AKAP13: variants seen among roughly 807,000 people sequenced by gnomAD.
AKAP13 encodes A-kinase anchor protein 13.
AKAP13 carries 80 observed loss-of-function variants against 264.5 expected under a neutral mutation model. That is an observed-to-expected ratio of 0.30 (90% CI 0.25 to 0.36). The LOEUF is 0.36. Ranked by LOEUF, AKAP13 falls within the 10% of genes least tolerant of loss-of-function variation. The pLI, the probability that AKAP13 is intolerant of heterozygous loss-of-function variation, is 1.00. For missense variants in AKAP13, 3,712 were observed against 3,435.2 expected (o/e 1.08, Z -2.01); for synonymous variants, 1,380 against 1,250.2 (o/e 1.10, Z -2.19).
chr15:85,579,033 C>T lies in AKAP13; in HGVS notation c.965C>T (p.Pro322Leu), dbSNP rs140842808. ...GATGGCCAGTTTCTTCCCTGTGCACCGGAGCCCACGGACCCTCAGCGACTT... is the reference window on the plus strand; with the variant it reads ...GATGGCCAGTTTCTTCCCTGTGCACTGGAGCCCACGGACCCTCAGCGACTT... ...ETDGQFLPCA[P>L]EPTDPQRLSS... The change falls in exon 7 of 37, where the codon CCG becomes CTG. Residue 322 changes from proline to leucine, a missense_variant. Physicochemically the swap from Pro to Leu is moderately conservative, Grantham distance 98. Around this residue, in one of 3 missense-constraint regions of AKAP13, gnomAD observed 2,759 missense variants for 2,411.7 expected, o/e 1.14. Transcript: ENST00000394518. The T allele has an allele frequency of 2.4e-5, 38 of 1,614,000 alleles. No homozygotes were observed. Among genetic ancestry groups the T allele is most frequent in the Middle Eastern group, 1.6e-4 (1 of 6,084 alleles).
chr15:85,408,446 C>T (rs932683475), intron 1 of AKAP13, among the ~76,000 whole-genome samples: 3 of 151,666 alleles, frequency 2.0e-5, no homozygotes, highest in Admixed American at 6.5e-5. Flanking sequence ...TGTTGCGGAA[C>T]GGAAATTTTG....
chr15:85,382,664 T>G (rs1401562818), intron 1 of AKAP13, among the ~76,000 whole-genome samples: 2 of 152,208 alleles, frequency 1.3e-5, no homozygotes, highest in African/African-American at 4.8e-5. Flanking sequence ...CTCACACTTC[T>G]TTTGCCTTGA....
intron 3 of AKAP13, among the ~76,000 whole-genome samples, chr15:85,529,385 C>T (rs970527174): frequency 2.0e-5 from 3 of 152,128 alleles, no homozygotes; most frequent in Admixed American, 2.0e-4. Context: ...CGTGCCACTG[C>T]ACTCCAGCCT....
intron 1 of AKAP13, among the ~76,000 whole-genome samples, chr15:85,465,122 T>TG (rs2074677749): frequency 6.7e-6 from 1 of 148,996 alleles, no homozygotes; most frequent in Non-Finnish European, 1.5e-5. Flanking sequence ...TTTTTTTTTT[T>TG]GTATTTTTTT....
intron 2 of AKAP13, among the ~76,000 whole-genome samples, chr15:85,511,948 T>G (rs542249202): frequency 1.3e-5 from 2 of 152,308 alleles, no homozygotes; most frequent in Admixed American, 6.5e-5. Context: ...TTTTCCTTCT[T>G]AGGACGTGAC....
chr15:85,684,634 C>A lies in AKAP13; in HGVS notation c.5157-107C>A, dbSNP rs940599998. ...AACAGAACCTGGGCGTTGTGGCATA[C>A]TCTATAAAAAGCCATTCAGCAGCCT... On this transcript the variant is annotated intron_variant, in intron 15 of 36. Coordinates refer to ENST00000394518, the MANE Select transcript of AKAP13 (RefSeq NM_007200.5). 16 of 1,201,190 alleles carry A rather than the reference C, an allele frequency of 1.3e-5. No homozygotes were observed. The African/African-American group carries it at 2.3e-4, about 17-fold the overall frequency. 74.4% of individuals were successfully genotyped at this position (1,201,190 alleles called of 1,614,324 possible).
At chr15:85,666,542 T>TTTTA (rs1055284886) in intron 13 of AKAP13, among the ~76,000 whole-genome samples, 1 of 152,128 alleles carries the variant, frequency 6.6e-6, no homozygotes, top group South Asian at 2.1e-4. Context: ...CTTTTTAAAA[T>TTTTA]TTTATTTATT....
rs1368427858 is a variant in AKAP13 at position 85,580,012 on chromosome 15, A to T, written c.1944A>T (p.Lys648Asn). ...CTCATGCTCAAAGCCAAAAGGGCAA[A>T]TCCTCACCCATTTGTTCTACAACTG... Reference protein sequence around the residue: ...NSSHAQSQKGKSSPICSTTGD... With the variant: ...NSSHAQSQKGNSSPICSTTGD... The change falls in exon 7 of 37, where the codon AAA (lysine) becomes AAT (asparagine). Residue 648 changes from lysine (K) to asparagine (N), a missense_variant. Transcript: ENST00000394518. 1.2e-6 allele frequency: 2 copies of T among 1,614,216 alleles called. No homozygotes were observed. Among genetic ancestry groups the T allele is most frequent in the Non-Finnish European group, 1.7e-6 (2 of 1,180,014 alleles).
chr15:85,579,697 G>A lies in AKAP13; in HGVS notation c.1629G>A (p.Leu543=). 2 of 1,614,198 alleles carry A rather than the reference G, an allele frequency of 1.2e-6. No individual in the cohort carries two copies. The highest frequency in any genetic ancestry group is 1.7e-6 in the Non-Finnish European group (2 of 1,180,036). ...ACTGTGCCCCTGCTGCCAGTTCCCT[G>A]GATGGTAACAAACCTGCTGAGTCTT... is the stretch of plus-strand genomic sequence containing the variant. The part of the protein sequence containing the change: ...VPNCAPAASS[L]DGNKPAESSL... The change falls in exon 7 of 37, where the codon CTG becomes CTA. Residue 543 remains leucine, a synonymous_variant. Coordinates refer to ENST00000394518, the MANE Select transcript of AKAP13 (RefSeq NM_007200.5).
At chr15:85,549,133 C>T (rs1368848135) in intron 5 of AKAP13, among the ~76,000 whole-genome samples, 1 of 151,988 alleles carries the variant, frequency 6.6e-6, no homozygotes, top group Non-Finnish European at 1.5e-5. Flanking sequence ...TTTGAATGTC[C>T]CTACTTGATG....
intron 20 of AKAP13, among the ~76,000 whole-genome samples, chr15:85,716,859 C>T (rs2086980146): frequency 6.6e-6 from 1 of 152,188 alleles, no homozygotes; most frequent in Non-Finnish European, 1.5e-5. Flanking sequence ...AATTGGGTGC[C>T]TGCTGTGCTA....
At chr15:85,494,721 G>A (rs760741978) in intron 2 of AKAP13, among the ~76,000 whole-genome samples, 1 of 152,236 alleles carries the variant, frequency 6.6e-6, no homozygotes, top group Non-Finnish European at 1.5e-5. Flanking sequence ...CAGGTTACGA[G>A]AGGTCTGAAC....
chr15:85,455,146 T>A (rs1401276668), intron 1 of AKAP13, among the ~76,000 whole-genome samples: 1 of 152,202 alleles, frequency 6.6e-6, no homozygotes, highest in Non-Finnish European at 1.5e-5. Context: ...GACTTCTGGA[T>A]CTTCAGTCTG....
chr15:85,583,632 G>A (rs1311448233), intron 7 of AKAP13, among the ~76,000 whole-genome samples: 5 of 152,174 alleles, frequency 3.3e-5, no homozygotes, highest in East Asian at 1.9e-4. Context: ...TCGGTGCTGC[G>A]TCCTTGGCCA....
rs545481462 is a variant in AKAP13, at chr15:85,527,846, A to G, written c.182-5738A>G. On this transcript the variant is annotated intron_variant, in intron 3 of 36. Coordinates refer to ENST00000394518, the MANE Select transcript of AKAP13 (RefSeq NM_007200.5). ...TATCATAGACACTTCATAAGGAAGA[A>G]AAAGACACCAGATTTTTAGAGACTT... Among the ~76,000 whole-genome samples, 3 of 152,362 alleles carry G rather than the reference A, an allele frequency of 2.0e-5. No homozygotes were observed. The East Asian group carries it at 5.8e-4, about 29-fold the overall frequency.
intron 12 of AKAP13, among the ~76,000 whole-genome samples, chr15:85,661,556 T>C (rs1258276628): frequency 6.6e-6 from 1 of 151,490 alleles, no homozygotes; most frequent in Non-Finnish European, 1.5e-5. Flanking sequence ...CCATCTCTAC[T>C]AAAAAAAATA....
intron 14 of AKAP13, among the ~76,000 whole-genome samples, chr15:85,677,759 C>T (rs563073049): frequency 1.3e-5 from 2 of 151,928 alleles, no homozygotes; most frequent in Admixed American, 1.3e-4. Context: ...CTCAGCCTCC[C>T]GGGTAGCCTC....
Position 85,735,162 on chromosome 15 carries a change from G to A in AKAP13, c.7441+12G>A, listed in dbSNP as rs1457442682. ...GAATGCTTCAAAAGGTAAATGATGT[G>A]AAGTCATGAGCTTTTATAGGCAATC... On this transcript the variant is annotated intron_variant, in intron 31 of 36. Transcript: ENST00000394518. 6.2e-7 allele frequency: 1 copy of A among 1,611,702 alleles called. No homozygotes were observed. Among genetic ancestry groups the A allele is most frequent in the East Asian group, 2.2e-5 (1 of 44,864 alleles).
chr15:85,682,476 T>G (rs576067527), intron 15 of AKAP13, among the ~76,000 whole-genome samples: 1 of 152,226 alleles, frequency 6.6e-6, no homozygotes, highest in Non-Finnish European at 1.5e-5. Context: ...TATTTGACTT[T>G]ATGAACTTGT....
Sources: allele counts gnomAD v4.1 joint callset (sites outside exome capture counted in the v4.1 genomes callset), GRCh38; gene constraint gnomAD v4.1.1; regional missense constraint gnomAD v4.1.1; transcripts MANE v1.5; gene names NCBI Gene and HGNC (gene_info 2026-07-23, HGNC 2026-07-21).